RSRP1: variants seen among roughly 807,000 people sequenced by gnomAD.
RSRP1 encodes arginine/serine-rich protein 1.
A neutral mutation model predicts 33.0 loss-of-function variants in RSRP1; 37 were observed. The ratio of observed to expected loss-of-function variants is 1.12; its 90% CI spans 0.86 to 1.48. The LOEUF (loss-of-function observed/expected upper bound fraction) is 1.48, where lower values mean the gene tolerates loss of function less well. RSRP1 is among the 40% of genes most tolerant of loss of function. The pLI is 0.00. For synonymous variants in RSRP1, 167 were observed against 158.7 expected, an observed-to-expected ratio of 1.05 and a Z score of -0.40; for missense variants, 402 against 385.3, an observed-to-expected ratio of 1.04 and a Z score of -0.36.
chr1:25,303,112 GC>G (rs1643517391), intron 1 of RSRP1, among the ~76,000 whole-genome samples: 1 of 132,020 alleles, frequency 7.6e-6, no homozygotes, highest in African/African-American at 2.6e-5. Flanking sequence ...GGGTAACTGT[GC>G]CCTGAGCCTA....
intron 1 of RSRP1, among the ~76,000 whole-genome samples, chr1:25,312,327 C>A (rs1030972701): frequency 9.8e-6 from 1 of 102,034 alleles, no homozygotes; most frequent in Non-Finnish European, 2.4e-5. Flanking sequence ...CTTGTTTTGA[C>A]TTTACAGGCT....
At position 25,284,008 on chromosome 1, in the gene RSRP1, A is replaced by C. The variant is rs555018501; in HGVS notation, c.-66-36979T>G. ...GTGGCCCTGATGTTTTCTGCCAGCCAGCTCACCAGGTCCCTCGCAGCAGGC... is the reference window on the plus strand; with the variant it reads ...GTGGCCCTGATGTTTTCTGCCAGCCCGCTCACCAGGTCCCTCGCAGCAGGC... On this transcript the variant is annotated intron_variant, in intron 1 of 1. Coordinates refer to the RSRP1 transcript ENST00000561867. 3.7e-5 allele frequency among the ~76,000 whole-genome samples: 5 copies of C among 134,940 alleles called. No homozygotes were observed. The South Asian group carries it at 1.1e-3, about 30-fold the overall frequency. 88.5% of individuals were successfully genotyped at this position (134,940 alleles called of 152,430 possible). A position where few individuals can be genotyped will look rare whatever the true frequency, so the allele number is the denominator to read the frequency against.
Position 25,284,754 on chromosome 1 carries a change from G to A in RSRP1, c.-66-37725C>T, listed in dbSNP as rs370729977. 1.7e-5 allele frequency: 24 copies of A among 1,388,656 alleles called. 5 individuals are homozygous for A. Among genetic ancestry groups the A allele is most frequent in the African/African-American group, 1.7e-4 (12 of 71,322 alleles). The allele number at this position is 1,388,656 out of a possible 1,614,324, so 86.0% of individuals were successfully genotyped here. A position where few individuals can be genotyped will look rare whatever the true frequency, so the allele number is the denominator to read the frequency against. ...CTTCTGGGAAGGTGGTCATCACACT[G>A]TTCAGGTATTGGGATGGTGGCTGGA... On this transcript the variant is annotated intron_variant, in intron 1 of 1. Coordinates refer to the RSRP1 transcript ENST00000561867.
At position 25,299,099 on chromosome 1, in the gene RSRP1, A is replaced by G. The variant is rs1209540542; in HGVS notation, c.-67+38879T>C. ...AAAAAAAAAAAAAAAAAAAAAAAAC[A>G]GGCTGGGAGCAGTGGCTCATGCCTG... On this transcript the variant is annotated intron_variant, in intron 1 of 1. Coordinates refer to the RSRP1 transcript ENST00000561867. 3.3e-5 allele frequency among the ~76,000 whole-genome samples: 4 copies of G among 121,176 alleles called. 1 individual carries two copies. The highest frequency in any genetic ancestry group is 1.6e-4 in the Admixed American group (2 of 12,380). 79.5% of individuals were successfully genotyped at this position (121,176 alleles called of 152,430 possible).
intron 1 of RSRP1, chr1:25,253,882 G>A (rs771738210): frequency 6.6e-6 from 1 of 152,176 alleles, no homozygotes; most frequent in Non-Finnish European, 1.5e-5. Context: ...AACGGTGGTG[G>A]GGGTCAGCTT....
chr1:25,243,216 A>G (rs1639023498), intron 4 of RSRP1, among the ~76,000 whole-genome samples: 1 of 152,230 alleles, frequency 6.6e-6, no homozygotes, highest in African/African-American at 2.4e-5. Flanking sequence ...CAAGATACAC[A>G]AGGTATAATG....
Position 25,307,620 on chromosome 1 carries a change from A to G in RSRP1, c.-67+30358T>C, listed in dbSNP as rs1485206661. The G allele has an allele frequency of 3.1e-6, 3 of 977,002 alleles. 1 individual carries two copies. The highest frequency in any genetic ancestry group is 1.4e-5 in the South Asian group (1 of 71,336). 60.5% of individuals were successfully genotyped at this position (977,002 alleles called of 1,614,324 possible). A position where few individuals can be genotyped will look rare whatever the true frequency, so the allele number is the denominator to read the frequency against. On this transcript the variant is annotated intron_variant, in intron 1 of 1. Coordinates refer to the RSRP1 transcript ENST00000561867. ...AGGTATTCTCAGACTCTAAGAAATG[A>G]GATTTAAGAGAAGTTATCTGCCCAA...
intron 1 of RSRP1, among the ~76,000 whole-genome samples, chr1:25,258,572 T>A (rs1048967013): frequency 6.6e-6 from 1 of 152,180 alleles, no homozygotes; most frequent in Non-Finnish European, 1.5e-5. Context: ...CTCAAAGCTA[T>A]CTGAGGTTTC....
chr1:25,244,125 A>G, intron 3 of RSRP1: 1 of 1,283,408 alleles, frequency 7.8e-7, no homozygotes, highest in South Asian at 1.3e-5. Flanking sequence ...TGAAAAGTAC[A>G]GTGCAATTTG....
At position 25,301,799 on chromosome 1, in the gene RSRP1, G is replaced by A; in HGVS notation, c.-67+36179C>T. The A allele has an allele frequency of 1.7e-5, 14 of 833,370 alleles. 3 individuals carry two copies. Among genetic ancestry groups the A allele is most frequent in the Non-Finnish European group, 2.8e-5 (14 of 502,622 alleles). 51.6% of individuals were successfully genotyped at this position (833,370 alleles called of 1,614,324 possible). ...GGGTTGGGAGAGGGCATGCCGGGTGGTGGAGCTGTGCCTGCCTCTACAGTG... is the reference window on the plus strand; with the variant it reads ...GGGTTGGGAGAGGGCATGCCGGGTGATGGAGCTGTGCCTGCCTCTACAGTG... On this transcript the variant is annotated intron_variant, in intron 1 of 1. Coordinates refer to the RSRP1 transcript ENST00000561867.
At chr1:25,280,089 C>T (rs1641341087) in intron 1 of RSRP1, among the ~76,000 whole-genome samples, 1 of 128,834 alleles carries the variant, frequency 7.8e-6, no homozygotes, top group South Asian at 2.4e-4. Flanking sequence ...AATGTTATTT[C>T]CTGACCAGTT....
At chr1:25,251,902 T>C (rs2124552243), upstream of RSRP1, among the ~76,000 whole-genome samples, 1 of 151,846 alleles carries the variant, frequency 6.6e-6, no homozygotes, top group East Asian at 1.9e-4. Context: ...ATTTTTTTTT[T>C]TTTTTTGAGA....
At chr1:25,313,049 T>G (rs1419420617) in intron 1 of RSRP1, among the ~76,000 whole-genome samples, 2 of 125,786 alleles carry the variant, frequency 1.6e-5, no homozygotes, top group African/African-American at 2.7e-5. Flanking sequence ...TCCCTCAAAT[T>G]TCATGTGTTG....
Position 25,263,438 on chromosome 1 carries a change from G to C in RSRP1, c.-66-16409C>G, listed in dbSNP as rs1490471256. On this transcript the variant is annotated intron_variant, in intron 1 of 1. Transcript: ENST00000561867. ...CATGGCGAAAGGCAATGAGGAGCAA[G>C]TCACGTCTTACGTGGATGGCAGGCA... Among the ~76,000 whole-genome samples the C allele has an allele frequency of 6.6e-5, 10 of 152,010 alleles. No individual in the cohort carries two copies. In the East Asian group the frequency reaches 1.2e-3, roughly 18 times the overall value.
At chr1:25,312,000 A>C (rs1425359994) in intron 1 of RSRP1, among the ~76,000 whole-genome samples, 1 of 122,000 alleles carries the variant, frequency 8.2e-6, no homozygotes, top group African/African-American at 2.9e-5. Context: ...TGGTAGAGCT[A>C]TCATAGTGCA....
intron 3 of RSRP1, 35 bp downstream of exon 3, chr1:25,245,115 T>C (rs761360748): frequency 1.9e-6 from 3 of 1,614,136 alleles, no homozygotes; most frequent in Non-Finnish European, 2.5e-6. Context: ...GTTGGCTTTC[T>C]GAAAGTTTTG....
At chr1:25,247,205 G>A (rs2124543805) in intron 1 of RSRP1, 104 bp downstream of exon 1, 1 of 461,430 alleles carries the variant, frequency 2.2e-6, no homozygotes, top group Non-Finnish European at 3.8e-6. Flanking sequence ...GCCTTGAAGC[G>A]AAACGCTGCG....
upstream of RSRP1, among the ~76,000 whole-genome samples, chr1:25,252,287 C>A (rs1165022426): frequency 6.6e-6 from 1 of 151,812 alleles, no homozygotes; most frequent in African/African-American, 2.4e-5. Context: ...TACAAGCAAA[C>A]ACACAGCACT....
At position 25,329,236 on chromosome 1, in the gene RSRP1, T is replaced by C. The variant is rs952385886; in HGVS notation, c.-67+8742A>G. Reference sequence around the variant, plus strand: ...CTAAGGTTAATTTATTATTATTCCTTGTTTTTTTTTTTTTTTTTTTTTTTT... The same window carrying C: ...CTAAGGTTAATTTATTATTATTCCTCGTTTTTTTTTTTTTTTTTTTTTTTT... On this transcript the variant is annotated intron_variant, in intron 1 of 1. Transcript: ENST00000561867. 159 of 508,934 alleles carry C rather than the reference T, an allele frequency of 3.1e-4. 17 individuals carry two copies. The African/African-American group carries it at 3.6e-3, about 11-fold the overall frequency. The allele number at this position is 508,934 out of a possible 1,614,324, so 31.5% of individuals were successfully genotyped here. A position where few individuals can be genotyped will look rare whatever the true frequency, so the allele number is the denominator to read the frequency against.
Sources: gnomAD v4.1 joint callset for allele counts (sites outside exome capture counted in the v4.1 genomes callset) on GRCh38, gnomAD v4.1.1 for gene constraint, MANE v1.5 for transcripts, NCBI Gene and HGNC (gene_info 2026-07-23, HGNC 2026-07-21) for gene names.